Variants in NHSL3 observed in about 807,000 individuals in gnomAD.
NHSL3 encodes the protein NHS-like protein 3.
At chr1:32,754,300 C>A in the NHSL3 span, 4 of 577,368 alleles carry the variant, frequency 6.9e-6, no homozygotes, top group Admixed American at 1.1e-4. Context: ...CGGGAATCCC[C>A]GCGCAGACCC....
chr1:32,743,662 C>T, the NHSL3 span, among the ~76,000 whole-genome samples: 1 of 152,184 alleles, frequency 6.6e-6, no homozygotes, highest in African/African-American at 2.4e-5. Flanking sequence ...TACTCCAGGG[C>T]AATGGACCTT....
At chr1:32,769,057 T>C in the NHSL3 span, 5 of 283,280 alleles carry the variant, frequency 1.8e-5, no homozygotes, top group East Asian at 3.9e-4. Context: ...GAGACCATCC[T>C]GGCTAACACG....
At chr1:32,748,296 C>CA in the NHSL3 span, among the ~76,000 whole-genome samples, 4 of 149,578 alleles carry the variant, frequency 2.7e-5, no homozygotes, top group East Asian at 1.9e-4. Context: ...ATTCAAAACT[C>CA]AAAAAAAAAG....
chr1:32,770,648 C>T, the NHSL3 span: 2 of 1,522,338 alleles, frequency 1.3e-6, no homozygotes, highest in Non-Finnish European at 1.8e-6. This position sits in a 1 kb window ranked among gnomAD's most constrained non-coding sequence, Gnocchi z 8.3. Flanking sequence ...CGGAGTGTGT[C>T]CCTGCGTAAG....
At chr1:32,769,996 G>A in the NHSL3 span, 10 of 1,605,726 alleles carry the variant, frequency 6.2e-6, no homozygotes, top group African/African-American at 6.7e-5. Context: ...GGGGGCCCGG[G>A]TGTCCCTGCA....
the NHSL3 span, chr1:32,773,845 C>T: frequency 1.3e-5 from 2 of 152,880 alleles, no homozygotes; most frequent in East Asian, 3.9e-4. Flanking sequence ...GCCCTCCACA[C>T]TTCATTCTCT....
At chr1:32,745,183 G>A in the NHSL3 span, among the ~76,000 whole-genome samples, 1 of 151,146 alleles carries the variant, frequency 6.6e-6, no homozygotes, top group African/African-American at 2.4e-5. Context: ...AGAAATGCAA[G>A]GGGTTGCTAT....
chr1:32,762,595 TTTTTTTTTGAGACGGA>T, the NHSL3 span, among the ~76,000 whole-genome samples: 1 of 152,014 alleles, frequency 6.6e-6, no homozygotes, highest in African/African-American at 2.4e-5. Flanking sequence ...TTTATTTATT[TTTTTTTTTGAGACGGA>T]ATTTTTTTGC....
the NHSL3 span, chr1:32,770,351 G>T: frequency 1.9e-6 from 3 of 1,610,344 alleles, no homozygotes; most frequent in Non-Finnish European, 2.5e-6. The surrounding 1 kb of genome is among the most constrained non-coding windows in gnomAD (Gnocchi z 8.3). Context: ...GCCTCAGTCC[G>T]CTCGCTGGGG....
chr1:32,758,431 T>A, the NHSL3 span, among the ~76,000 whole-genome samples: 2 of 152,120 alleles, frequency 1.3e-5, no homozygotes, highest in African/African-American at 4.8e-5. Context: ...CCTGGAGGTT[T>A]AACTTCTTGG....
chr1:32,770,737 G>C, the NHSL3 span: 1 of 1,556,796 alleles, frequency 6.4e-7, no homozygotes, highest in East Asian at 2.3e-5. The surrounding 1 kb of genome is among the most constrained non-coding windows in gnomAD (Gnocchi z 8.3). Context: ...TGGGCCATTA[G>C]GGTTGCCCCC....
chr1:32,758,653 G>C, the NHSL3 span, among the ~76,000 whole-genome samples: 2 of 151,980 alleles, frequency 1.3e-5, no homozygotes, highest in Admixed American at 1.3e-4. Context: ...CCCAGGCCCC[G>C]ACTCAAGGAA....
At chr1:32,763,233 C>T in the NHSL3 span, among the ~76,000 whole-genome samples, 2 of 152,236 alleles carry the variant, frequency 1.3e-5, no homozygotes, top group Admixed American at 1.3e-4. Context: ...ATCCACCTGC[C>T]TCAGCCTCCC....
the NHSL3 span, chr1:32,771,427 G>C: frequency 5.7e-6 from 9 of 1,591,526 alleles, no homozygotes; most frequent in South Asian, 1.0e-4. Context: ...GCCAGAGGTG[G>C]TTGTGGAGGC....
chr1:32,750,948 A>G, the NHSL3 span, among the ~76,000 whole-genome samples: 86,690 of 151,806 alleles, frequency 0.57, 25,222 homozygotes, highest in Admixed American at 0.66. Flanking sequence ...AGTAGCCGGG[A>G]CTACAGGTGC....
the NHSL3 span, chr1:32,770,408 C>T: frequency 1.2e-6 from 2 of 1,608,004 alleles, no homozygotes; most frequent in Non-Finnish European, 1.7e-6. This position sits in a 1 kb window ranked among gnomAD's most constrained non-coding sequence, Gnocchi z 8.3. Flanking sequence ...CGCCACCCAT[C>T]CTCCTCCAGT....
chr1:32,772,291 TC>T, the NHSL3 span: 1 of 902,660 alleles, frequency 1.1e-6, no homozygotes, highest in Non-Finnish European at 1.6e-6. Flanking sequence ...CCCACCCGCC[TC>T]CCCCAGTTAC....
At chr1:32,764,832 T>C in the NHSL3 span, among the ~76,000 whole-genome samples, 1 of 152,216 alleles carries the variant, frequency 6.6e-6, no homozygotes, top group Non-Finnish European at 1.5e-5. Flanking sequence ...TGGAGCTGGA[T>C]TTGAACCTCG....
At chr1:32,748,679 C>A in the NHSL3 span, among the ~76,000 whole-genome samples, 1 of 152,118 alleles carries the variant, frequency 6.6e-6, no homozygotes, top group Non-Finnish European at 1.5e-5. Flanking sequence ...GCTTTTCCAG[C>A]CACTTTCTTC....
Sources: allele counts gnomAD v4.1 joint callset (sites outside exome capture counted in the v4.1 genomes callset), GRCh38; gene constraint gnomAD v4.1.1; non-coding constraint Gnocchi (gnomAD v3.1); transcripts MANE v1.5; gene names NCBI Gene and HGNC (gene_info 2026-07-23, HGNC 2026-07-21).